The following COL21A1 variants were observed in gnomAD, a reference collection of about 807,000 sequenced individuals.
COL21A1 encodes collagen type XXI alpha 1 chain.
A neutral mutation model predicts 137.9 loss-of-function variants in COL21A1; 149 were observed. That is an observed-to-expected ratio of 1.08 (90% CI 0.95 to 1.24). The LOEUF (loss-of-function observed/expected upper bound fraction) is 1.24, where lower values mean the gene tolerates loss of function less well. Among genes scored for constraint, COL21A1 ranks in the 50% most tolerant of loss-of-function variants. COL21A1 has a pLI of 0.00. For missense variants in COL21A1, 1,167 were observed against 1,158.4 expected, an observed-to-expected ratio of 1.01 and a Z score of -0.11; for synonymous variants, 456 against 391.5, an observed-to-expected ratio of 1.16 and a Z score of -1.95.
chr6:56,310,149 A>C (rs1479643382), intron 1 of COL21A1, among the ~76,000 whole-genome samples: 2 of 152,096 alleles, frequency 1.3e-5, no homozygotes, highest in Non-Finnish European at 2.9e-5. Flanking sequence ...AGAAGACACT[A>C]AACATCTGTA....
In COL21A1 at chr6:56,170,866, C is replaced by G. The variant is rs751676737; in HGVS notation, c.810-1G>C. ...AGGAAGACCTTCTGGGAAAACATTGCTAGAAAAAGAAGAGCAAGTGTAAGC... is the reference window on the plus strand; with the variant it reads ...AGGAAGACCTTCTGGGAAAACATTGGTAGAAAAAGAAGAGCAAGTGTAAGC... On this transcript the variant is annotated splice_acceptor_variant, in intron 4 of 29. Transcript: ENST00000244728. LOFTEE classifies it high-confidence loss of function. The G allele has an allele frequency of 1.9e-5, 31 of 1,607,112 alleles. No homozygotes were observed.
At chr6:56,290,751 CA>C (rs1225189864) in intron 1 of COL21A1, among the ~76,000 whole-genome samples, 7 of 152,250 alleles carry the variant, frequency 4.6e-5, no homozygotes, top group Admixed American at 2.0e-4. Context: ...CCACCCGCCT[CA>C]GCCTCCAAAA....
At chr6:56,159,121 G>A (rs1251091363) in intron 9 of COL21A1, among the ~76,000 whole-genome samples, 1 of 151,900 alleles carries the variant, frequency 6.6e-6, no homozygotes, top group African/African-American at 2.4e-5. Flanking sequence ...CTTTTCCCTG[G>A]AATAAATTTT....
At chr6:56,060,701 A>T in intron 27 of COL21A1, 40 bp downstream of exon 27, 1 of 1,523,418 alleles carries the variant, frequency 6.6e-7, no homozygotes, top group East Asian at 2.3e-5. Flanking sequence ...TACTTTTGTA[A>T]TTTGAGAAAA....
intron 5 of COL21A1, among the ~76,000 whole-genome samples, chr6:56,170,319 G>A (rs948724838): frequency 7.3e-5 from 11 of 151,658 alleles, no homozygotes; most frequent in Non-Finnish European, 1.3e-4. Flanking sequence ...GTTCTATTTT[G>A]AGGGAGAACT....
chr6:56,087,239 A>G (rs938675843), intron 17 of COL21A1, among the ~76,000 whole-genome samples: 1 of 152,140 alleles, frequency 6.6e-6, no homozygotes, highest in Non-Finnish European at 1.5e-5. Context: ...TGTAACAATG[A>G]CAGCATCGTC....
chr6:56,147,553 TACA>T (rs1188860898), intron 10 of COL21A1, among the ~76,000 whole-genome samples: 2 of 152,024 alleles, frequency 1.3e-5, no homozygotes, highest in African/African-American at 4.8e-5. Flanking sequence ...GAAACAGGCC[TACA>T]TTCACATGCA....
At position 56,125,276 on chromosome 6, in the gene COL21A1, C is replaced by T. The variant is rs535412609; in HGVS notation, c.1650+291G>A. On this transcript the variant is annotated intron_variant, in intron 14 of 29. Transcript: ENST00000244728. ...CATCATCATCCACCCCCCTCGGCCTCCCAAAGTGCTGGGATTACAGGCGTG... is the reference window on the plus strand; with the variant it reads ...CATCATCATCCACCCCCCTCGGCCTTCCAAAGTGCTGGGATTACAGGCGTG... The T allele has an allele frequency of 1.3e-4, 24 of 190,328 alleles. No individual in the cohort carries two copies. The East Asian group carries it at 2.8e-3, about 22-fold the overall frequency. 11.8% of individuals were successfully genotyped at this position (190,328 alleles called of 1,614,324 possible).
intron 16 of COL21A1, among the ~76,000 whole-genome samples, chr6:56,107,800 T>G (rs1037373223): frequency 6.6e-6 from 1 of 152,148 alleles, no homozygotes; most frequent in African/African-American, 2.4e-5. Context: ...AACCCAAATG[T>G]GACCGTGGAA....
At chr6:56,303,797 C>A (rs1380924708) in intron 1 of COL21A1, among the ~76,000 whole-genome samples, 1 of 152,112 alleles carries the variant, frequency 6.6e-6, no homozygotes, top group Non-Finnish European at 1.5e-5. Context: ...AGAGGGCATC[C>A]CTGTCTTGTA....
rs1363147065 is a variant in COL21A1, at chr6:56,059,195, G to C, written c.2656C>G (p.Pro886Ala). 6.2e-7 allele frequency: 1 copy of C among 1,611,546 alleles called. No individual in the cohort carries two copies. The highest frequency in any genetic ancestry group is 8.5e-7 in the Non-Finnish European group (1 of 1,179,062). Residue 886 changes from proline (P) to alanine (A), a missense_variant, in exon 29 of 30, where the codon CCT (proline) becomes GCT (alanine). By Grantham distance (27) the Pro-to-Ala change is conservative. Transcript: ENST00000244728. ...GGACCAGGAGGACCTTGTTCTCCAG[G>C]ATACCCAAACCCTTGGCTCCCTTTT... Reference protein sequence around the residue: ...GEKGSQGFGYPGEQGPPGPPG... With the variant: ...GEKGSQGFGYAGEQGPPGPPG...
chr6:56,275,861 C>T (rs1763634701), intron 1 of COL21A1, among the ~76,000 whole-genome samples: 1 of 152,202 alleles, frequency 6.6e-6, no homozygotes, highest in Non-Finnish European at 1.5e-5. Flanking sequence ...ACCCAGCAAT[C>T]TCATTATTGG....
At chr6:56,273,245 G>A (rs1763567801) in intron 1 of COL21A1, among the ~76,000 whole-genome samples, 1 of 152,158 alleles carries the variant, frequency 6.6e-6, no homozygotes, top group South Asian at 2.1e-4. Context: ...GCAGTGTTAA[G>A]AGGAAACTTC....
chr6:56,378,066 C>T (rs565511512), intron 1 of COL21A1, among the ~76,000 whole-genome samples: 3 of 152,210 alleles, frequency 2.0e-5, no homozygotes, highest in South Asian at 2.1e-4. Context: ...TAACCAGCAG[C>T]GATACCCAGG....
At chr6:56,297,758 T>C (rs774825921) in intron 1 of COL21A1, among the ~76,000 whole-genome samples, 2 of 152,122 alleles carry the variant, frequency 1.3e-5, no homozygotes, top group Non-Finnish European at 2.9e-5. Flanking sequence ...GTTATGGTTC[T>C]CAAAAGGTCA....
At chr6:56,216,835 T>C (rs1300534813) in intron 1 of COL21A1, among the ~76,000 whole-genome samples, 2 of 152,090 alleles carry the variant, frequency 1.3e-5, no homozygotes, top group African/African-American at 4.8e-5. Context: ...TATGAGATCA[T>C]CTATCTCAGT....
chr6:56,078,051 C>T (rs1054011832), intron 17 of COL21A1: 1 of 455,286 alleles, frequency 2.2e-6, no homozygotes, highest in Non-Finnish European at 4.4e-6. Context: ...CCTAAATATT[C>T]ATATAAAAAA....
In COL21A1 at chr6:56,124,004, T is replaced by C. The variant is rs188011640; in HGVS notation, c.1758+58A>G. 1.9e-4 allele frequency: 262 copies of C among 1,377,596 alleles called. 1 individual carries two copies. The African/African-American group carries it at 3.5e-3, about 19-fold the overall frequency. The allele number at this position is 1,377,596 out of a possible 1,614,324, so 85.3% of individuals were successfully genotyped here. The stretch of plus-strand genomic sequence containing the variant: ...TAATATTGGTACATTTTTCTTATGT[T>C]TCCTCTCAAGATACAAAAATCTTTT... On this transcript the variant is annotated intron_variant, in intron 16 of 29. Transcript: ENST00000244728.
At chr6:56,393,245 G>C (rs1033261719) in intron 1 of COL21A1, among the ~76,000 whole-genome samples, 4 of 152,096 alleles carry the variant, frequency 2.6e-5, no homozygotes, top group African/African-American at 9.7e-5. Flanking sequence ...ATATAATTGG[G>C]GAAAGGACAG....
Sources: allele counts gnomAD v4.1 joint callset (sites outside exome capture counted in the v4.1 genomes callset), GRCh38; gene constraint gnomAD v4.1.1; transcripts MANE v1.5; gene names NCBI Gene and HGNC (gene_info 2026-07-23, HGNC 2026-07-21).